The following SLC25A40 variants were observed in gnomAD, a reference collection of about 807,000 sequenced individuals.
SLC25A40 encodes solute carrier family 25 member 40.
A neutral mutation model predicts 46.5 loss-of-function variants in SLC25A40; 41 were observed. The observed-to-expected ratio is 0.88, with a 90% CI of 0.69 to 1.14. SLC25A40 has a LOEUF of 1.14. Among genes scored for constraint, SLC25A40 ranks in the 50% most tolerant of loss-of-function variants. SLC25A40 has a pLI of 0.00. For missense variants in SLC25A40, 386 were observed against 393.6 expected (o/e 0.98, Z 0.16); for synonymous variants, 126 against 127.5 (o/e 0.99, Z 0.08).
At chr7:87,866,784 C>T (rs1368601156) in intron 1 of SLC25A40, among the ~76,000 whole-genome samples, 2 of 152,230 alleles carry the variant, frequency 1.3e-5, no homozygotes, top group African/African-American at 4.8e-5. Flanking sequence ...GTAGTTTAGA[C>T]ACACACCTTT....
At position 87,834,049 on chromosome 7, in the gene SLC25A40, A is replaced by G. The variant is rs1294774755; in HGVS notation, c.*2200T>C. ...CATTAATCAATTAAATGTTTATGTT[A>G]GAAAATTTAACATTAATAGAATAAA... On this transcript the variant is annotated 3_prime_UTR_variant, in exon 12 of 12. Coordinates refer to ENST00000341119, the MANE Select transcript of SLC25A40 (RefSeq NM_018843.4). The G allele has an allele frequency of 6.6e-6, 1 of 151,998 alleles. No individual in the cohort carries two copies. The highest frequency in any genetic ancestry group is 1.5e-5 in the Non-Finnish European group (1 of 67,924). 9.4% of individuals were successfully genotyped at this position (151,998 alleles called of 1,614,324 possible). A position where few individuals can be genotyped will look rare whatever the true frequency, so the allele number is the denominator to read the frequency against.
chr7:87,846,321 G>A (rs1298264634), intron 8 of SLC25A40, among the ~76,000 whole-genome samples: 1 of 152,086 alleles, frequency 6.6e-6, no homozygotes, highest in Non-Finnish European at 1.5e-5. Flanking sequence ...TATTCTTATT[G>A]AGAGTTTCTC....
At chr7:87,854,867 T>C (rs1056568300) in intron 4 of SLC25A40, among the ~76,000 whole-genome samples, 4 of 141,870 alleles carry the variant, frequency 2.8e-5, no homozygotes, top group African/African-American at 1.0e-4. Context: ...TTTTCAGAAC[T>C]GCAATAAGAA....
At chr7:87,848,077 T>C in intron 6 of SLC25A40, 100 bp from the exon 7 acceptor site, 3 of 1,348,724 alleles carry the variant, frequency 2.2e-6, no homozygotes, top group East Asian at 2.8e-5. Flanking sequence ...AAAAGTCTTA[T>C]ATTTTGTGTA....
In SLC25A40 at chr7:87,835,332, T is replaced by C. The variant is rs1838240736; in HGVS notation, c.*917A>G. 1 of 151,674 alleles carries C rather than the reference T, an allele frequency of 6.6e-6. No individual in the cohort carries two copies. Among genetic ancestry groups the C allele is most frequent in the Admixed American group, 6.6e-5 (1 of 15,148 alleles). The allele number at this position is 151,674 out of a possible 1,614,324, so 9.4% of individuals were successfully genotyped here. ...ATCAAAGGATATTTTAGAAATATCT[T>C]GTAACTATTGTTGTAGCAATAATCT... On this transcript the variant is annotated 3_prime_UTR_variant, in exon 12 of 12. Transcript: ENST00000341119.
rs1188851853 is a variant in SLC25A40 at position 87,843,809 on chromosome 7, C to A, written c.686G>T (p.Gly229Val). ...ILKKWLCEKSGLYEPTFMINF... is the reference protein window; with the variant it reads ...ILKKWLCEKSVLYEPTFMINF... Reference sequence around the variant, plus strand: ...GATCATAAATGTTGGCTCATATAAACCAGATTTCTCACATAACCACTTCTT... The same window carrying A: ...GATCATAAATGTTGGCTCATATAAAACAGATTTCTCACATAACCACTTCTT... The change falls in exon 9 of 12, where the codon GGT becomes GTT. Residue 229 changes from glycine (G) to valine (V), a missense_variant. Gly to Val is a moderately radical substitution (Grantham distance 109). Coordinates refer to ENST00000341119, the MANE Select transcript of SLC25A40 (RefSeq NM_018843.4). 6.2e-7 allele frequency: 1 copy of A among 1,611,442 alleles called. No homozygotes were observed. The highest frequency in any genetic ancestry group is 8.5e-7 in the Non-Finnish European group (1 of 1,178,436).
Position 87,858,737 on chromosome 7 carries a change from TAATTA to T in SLC25A40, c.-15_-11del. The stretch of plus-strand genomic sequence containing the variant: ...TTGTCTCAGGATCCATATTTTTAAC[TAATTA>T]AATAAAAACCTGTTAAAAAGAAAAC... On this transcript the variant is annotated 5_prime_UTR_variant, in exon 3 of 12. The change creates a premature stop within an existing upstream ORF in the 5' untranslated region. Coordinates refer to ENST00000341119, the MANE Select transcript of SLC25A40 (RefSeq NM_018843.4). The T allele has an allele frequency of 1.9e-6, 3 of 1,574,300 alleles. No homozygotes were observed. The South Asian group carries it at 3.3e-5, about 17-fold the overall frequency.
At chr7:87,863,465 T>C (rs1838739287) in intron 1 of SLC25A40, among the ~76,000 whole-genome samples, 1 of 152,106 alleles carries the variant, frequency 6.6e-6, no homozygotes, top group African/African-American at 2.4e-5. Flanking sequence ...GCCAGTTTCC[T>C]GAGGCCTCCC....
intron 1 of SLC25A40, among the ~76,000 whole-genome samples, chr7:87,863,866 C>T (rs934817059): frequency 1.3e-5 from 2 of 152,110 alleles, no homozygotes; most frequent in East Asian, 1.9e-4. Flanking sequence ...TTCCCCAAAA[C>T]CTTCCTGGCC....
intron 1 of SLC25A40, among the ~76,000 whole-genome samples, chr7:87,873,578 G>A (rs915475217): frequency 2.0e-5 from 3 of 151,862 alleles, no homozygotes; most frequent in African/African-American, 4.8e-5. Context: ...GGTTACAGGC[G>A]GGGACCACCA....
intron 3 of SLC25A40, among the ~76,000 whole-genome samples, chr7:87,856,954 A>AT (rs1201135833): frequency 7.0e-6 from 1 of 143,818 alleles, no homozygotes; most frequent in Non-Finnish European, 1.6e-5. Context: ...GATGATAATT[A>AT]TATTAGATGA....
Position 87,837,158 on chromosome 7 carries a change from AAGAC to A in SLC25A40, c.824-352_824-349del, listed in dbSNP as rs762496524. On this transcript the variant is annotated intron_variant, in intron 10 of 11. Coordinates refer to ENST00000341119, the MANE Select transcript of SLC25A40 (RefSeq NM_018843.4). ...AAATTTTTCATAATGAAATTTTTAAAAGACAGCTACTTGGGAGGCTGAGGTGGGA... is the reference window on the plus strand; with the variant it reads ...AAATTTTTCATAATGAAATTTTTAAAAGCTACTTGGGAGGCTGAGGTGGGA... 160 of 151,936 alleles carry A rather than the reference AAGAC, an allele frequency of 1.1e-3. 1 individual carries two copies. The highest frequency in any genetic ancestry group is 9.3e-3 in the Admixed American group (141 of 15,146). 9.4% of individuals were successfully genotyped at this position (151,936 alleles called of 1,614,324 possible). A position where few individuals can be genotyped will look rare whatever the true frequency, so the allele number is the denominator to read the frequency against.
At chr7:87,873,086 T>C (rs1221873028) in intron 1 of SLC25A40, among the ~76,000 whole-genome samples, 1 of 152,162 alleles carries the variant, frequency 6.6e-6, no homozygotes, top group Non-Finnish European at 1.5e-5. Context: ...TCAGAACACA[T>C]TTCAGAAGAC....
chr7:87,851,356 C>A (rs1445597704), intron 5 of SLC25A40, among the ~76,000 whole-genome samples: 1 of 152,130 alleles, frequency 6.6e-6, no homozygotes, highest in Admixed American at 6.5e-5. Flanking sequence ...TACGGGAACC[C>A]TAGTAAGACA....
At chr7:87,841,875 T>C (rs1188064162) in intron 9 of SLC25A40, 161 bp from the exon 10 acceptor site, 10 of 355,498 alleles carry the variant, frequency 2.8e-5, no homozygotes, top group South Asian at 5.9e-5. Flanking sequence ...TTAAAGCAAA[T>C]AGATATGTAT....
In SLC25A40 at chr7:87,849,897, C is replaced by G; in HGVS notation, c.316G>C (p.Gly106Arg). 1 of 1,596,914 alleles carries G rather than the reference C, an allele frequency of 6.3e-7. No homozygotes were observed. The highest frequency in any genetic ancestry group is 8.5e-7 in the Non-Finnish European group (1 of 1,172,826). The change falls in exon 6 of 12, where the codon GGC becomes CGC. Residue 106 changes from glycine to arginine, a missense_variant. Coordinates refer to ENST00000341119, the MANE Select transcript of SLC25A40 (RefSeq NM_018843.4). Reference protein sequence around the residue: ...RNEGIKSLWSGLPPTLVMAVP... With the variant: ...RNEGIKSLWSRLPPTLVMAVP... ...TCAACTTACAGGGTAGGAGGAAGGC[C>G]ACTCCATAGAGATTTAATGCCCTCA...
intron 7 of SLC25A40, among the ~76,000 whole-genome samples, chr7:87,847,396 G>C (rs1243589833): frequency 6.6e-6 from 1 of 152,008 alleles, no homozygotes; most frequent in Non-Finnish European, 1.5e-5. Flanking sequence ...TAATCAACCA[G>C]AACTATGAAA....
intron 8 of SLC25A40, 84 bp downstream of exon 8, chr7:87,846,863 TAA>T (rs1838429757): frequency 1.7e-6 from 2 of 1,155,592 alleles, no homozygotes; most frequent in South Asian, 4.4e-5. Flanking sequence ...CCTTTAATGG[TAA>T]AGAGTTAAAA....
intron 4 of SLC25A40, 56 bp downstream of exon 4, chr7:87,856,236 C>A (rs1416055778): frequency 1.1e-4 from 137 of 1,266,246 alleles, no homozygotes; most frequent in East Asian, 3.4e-4. Flanking sequence ...AAAAAAAAAA[C>A]CACAGGAACA....
Sources: allele counts gnomAD v4.1 joint callset (sites outside exome capture counted in the v4.1 genomes callset), GRCh38; gene constraint gnomAD v4.1.1; transcripts MANE v1.5; gene names NCBI Gene and HGNC (gene_info 2026-07-23, HGNC 2026-07-21).